PROKR1: variants seen among roughly 807,000 people sequenced by gnomAD.
PROKR1 encodes the protein prokineticin receptor 1.
In PROKR1, 21 loss-of-function variants were observed where a neutral mutation model predicts 22.8. That is an observed-to-expected ratio of 0.92 (90% CI 0.65 to 1.32). PROKR1 has a LOEUF of 1.32. Ranked by LOEUF, PROKR1 falls within the 40% of genes most tolerant of loss-of-function variation. The probability of loss-of-function intolerance (pLI) is 0.00; values close to 1 mark genes in which losing one functional copy is unlikely to be tolerated. For missense variants in PROKR1, 548 were observed against 514.2 expected (o/e 1.07, Z -0.64); for synonymous variants, 193 against 207.5 (o/e 0.93, Z 0.60).
In PROKR1 at chr2:68,656,972, T is replaced by G. The variant is rs1673484513; in HGVS notation, c.*1396T>G. The G allele has an allele frequency of 6.6e-6, 1 of 152,210 alleles. No individual in the cohort carries two copies. The highest frequency in any genetic ancestry group is 2.4e-5 in the African/African-American group (1 of 41,446). The allele number at this position is 152,210 out of a possible 1,614,324, so 9.4% of individuals were successfully genotyped here. On this transcript the variant is annotated 3_prime_UTR_variant, in exon 3 of 3. Transcript: ENST00000303786. ...CAAACAATGAGCTTCAGTGACCCCA[T>G]AGGTTGTTGAAGACTCATCCCACTT...
intron 1 of PROKR1, among the ~76,000 whole-genome samples, chr2:68,645,044 T>G (rs1306379105): frequency 6.6e-6 from 1 of 152,186 alleles, no homozygotes; most frequent in Non-Finnish European, 1.5e-5. Context: ...TCTGAGTGTT[T>G]AAGCTATTTA....
chr2:68,651,670 C>T (rs746520588), intron 2 of PROKR1, among the ~76,000 whole-genome samples: 1 of 152,168 alleles, frequency 6.6e-6, no homozygotes, highest in Non-Finnish European at 1.5e-5. Flanking sequence ...TTATCTCTGC[C>T]CATCCCATGA....
intron 2 of PROKR1, among the ~76,000 whole-genome samples, chr2:68,653,217 T>G (rs1192524662): frequency 6.6e-6 from 1 of 152,170 alleles, no homozygotes; most frequent in African/African-American, 2.4e-5. Flanking sequence ...CATTTCCCTT[T>G]TTTCCCTCTG....
chr2:68,650,603 A>G (rs1459404787), intron 2 of PROKR1, among the ~76,000 whole-genome samples: 1 of 152,118 alleles, frequency 6.6e-6, no homozygotes, highest in Non-Finnish European at 1.5e-5. Context: ...AAATCCTGTT[A>G]GGTACTCAGA....
At chr2:68,647,078 A>T (rs7607914) in intron 2 of PROKR1, among the ~76,000 whole-genome samples, 14,006 of 151,514 alleles carry the variant, frequency 0.092, 1,899 homozygotes, top group African/African-American at 0.3. Context: ...AAAAATAAAA[A>T]GATTGAGGGA....
chr2:68,646,252 G>T lies in PROKR1; in HGVS notation c.431G>T (p.Arg144Leu), dbSNP rs144714441. 31 of 1,614,060 alleles carry T rather than the reference G, an allele frequency of 1.9e-5. No individual in the cohort carries two copies. Among genetic ancestry groups the T allele is most frequent in the Non-Finnish European group, 2.5e-5 (29 of 1,180,018 alleles). Residue 144 changes from arginine (R) to leucine (L), a missense_variant, in exon 2 of 3, where the codon CGC (arginine) becomes CTC (leucine). Coordinates refer to ENST00000303786, the MANE Select transcript of PROKR1 (RefSeq NM_138964.4). ...HVLCTSVNYLRTVSLYVSTNA... is the reference protein window; with the variant it reads ...HVLCTSVNYLLTVSLYVSTNA... ...CTGTGCACCTCTGTCAACTACCTGCGCACTGTCTCTCTCTATGTCTCCACC... is the reference window on the plus strand; with the variant it reads ...CTGTGCACCTCTGTCAACTACCTGCTCACTGTCTCTCTCTATGTCTCCACC...
chr2:68,653,531 C>T (rs1397535667), intron 2 of PROKR1, among the ~76,000 whole-genome samples: 1 of 152,182 alleles, frequency 6.6e-6, no homozygotes, highest in African/African-American at 2.4e-5. Flanking sequence ...GGCTTTCCTT[C>T]AGGCCCCCTT....
At chr2:68,651,453 T>C (rs766688979) in intron 2 of PROKR1, among the ~76,000 whole-genome samples, 6 of 152,198 alleles carry the variant, frequency 3.9e-5, no homozygotes, top group Admixed American at 1.3e-4. Context: ...GTGGAGACAC[T>C]AAGATCCCAC....
chr2:68,654,726 A>G (rs1334436682), intron 2 of PROKR1, among the ~76,000 whole-genome samples, 154 bp from the exon 3 acceptor site: 1 of 150,172 alleles, frequency 6.7e-6, no homozygotes, highest in Non-Finnish European at 1.5e-5. Context: ...TGGGCCTAGG[A>G]GTTCGAGGCT....
rs756752495 is a variant in PROKR1 at position 68,645,916 on chromosome 2, C to T, written c.95C>T (p.Ser32Phe). The T allele has an allele frequency of 1.2e-6, 2 of 1,614,228 alleles. No homozygotes were observed. Among genetic ancestry groups the T allele is most frequent in the East Asian group, 4.5e-5 (2 of 44,884 alleles). Residue 32 changes from serine to phenylalanine, a missense_variant, in exon 2 of 3, where the codon TCC becomes TTC. Ser to Phe is a radical substitution (Grantham distance 155, BLOSUM62 -2). Coordinates refer to ENST00000303786, the MANE Select transcript of PROKR1 (RefSeq NM_138964.4). ...AACCCTCATGGAGCCCATGCCACTT[C>T]CTTCCCATTCAACTTCAGCTACAGC... ...VLNPHGAHAT[S>F]FPFNFSYSDY...
At position 68,657,799 on chromosome 2, in the gene PROKR1, A is replaced by G. The variant is rs1368340329; in HGVS notation, c.*2223A>G. ...GTTACTTTATTTCCCTGAAAGACAC[A>G]TTACAAAAACCTATTTATTTCTTCC... is the stretch of plus-strand genomic sequence containing the variant. On this transcript the variant is annotated 3_prime_UTR_variant, in exon 3 of 3. Transcript: ENST00000303786. 6.6e-6 allele frequency: 1 copy of G among 152,210 alleles called. No homozygotes were observed. The highest frequency in any genetic ancestry group is 1.5e-5 in the Non-Finnish European group (1 of 68,040). 9.4% of individuals were successfully genotyped at this position (152,210 alleles called of 1,614,324 possible).
chr2:68,653,515 C>T (rs1381315745), intron 2 of PROKR1, among the ~76,000 whole-genome samples: 2 of 152,142 alleles, frequency 1.3e-5, no homozygotes, highest in Admixed American at 1.3e-4. Flanking sequence ...AGGAAACAAC[C>T]GGTTTGGCTT....
In PROKR1 at chr2:68,646,091, C is replaced by A; in HGVS notation, c.270C>A (p.Tyr90Ter). Reference protein sequence around the residue: ...NFIFIAALVRYKKLRNLTNLL... With the variant: ...NFIFIAALVR ...TCTTTATCGCTGCCCTGGTCCGCTACAAGAAACTGCGCAACCTCACCAACC... is the reference window on the plus strand; with the variant it reads ...TCTTTATCGCTGCCCTGGTCCGCTAAAAGAAACTGCGCAACCTCACCAACC... The change falls in exon 2 of 3, where the codon TAC (tyrosine) becomes TAA (stop). Residue 90 changes from tyrosine to a stop codon, truncating the protein, a stop_gained. Transcript: ENST00000303786. LOFTEE classifies it high-confidence loss of function. The A allele has an allele frequency of 6.2e-7, 1 of 1,613,906 alleles. No individual in the cohort carries two copies. Among genetic ancestry groups the A allele is most frequent in the South Asian group, 1.1e-5 (1 of 91,062 alleles).
At position 68,655,563 on chromosome 2, in the gene PROKR1, T is replaced by C; in HGVS notation, c.1169T>C (p.Ile390Thr). 1 of 1,613,998 alleles carries C rather than the reference T, an allele frequency of 6.2e-7. No homozygotes were observed. The highest frequency in any genetic ancestry group is 8.5e-7 in the Non-Finnish European group (1 of 1,179,994). ...GMPATEEVDC[I>T]RLK is the part of the protein sequence containing the mutation. ...CCTGCCACCGAAGAGGTGGACTGCATCAGACTAAAATAACCCCCTGGACTT... is the reference window on the plus strand; with the variant it reads ...CCTGCCACCGAAGAGGTGGACTGCACCAGACTAAAATAACCCCCTGGACTT... The change falls in exon 3 of 3, where the codon ATC (isoleucine) becomes ACC (threonine). Residue 390 changes from isoleucine (I) to threonine (T), a missense_variant. Ile to Thr is a moderately conservative substitution (Grantham distance 89, BLOSUM62 -1). Coordinates refer to ENST00000303786, the MANE Select transcript of PROKR1 (RefSeq NM_138964.4).
rs1418200651 is a variant in PROKR1, at chr2:68,654,977, A to C, written c.583A>C (p.Ile195Leu). ...GTGGACGGTGTCCATCCTGATCGCC[A>C]TCCCTTCCGCCTACTTCACCACCGA... ...LVWTVSILIA[I>L]PSAYFTTETV... The change falls in exon 3 of 3, where the codon ATC becomes CTC. Residue 195 changes from isoleucine to leucine, a missense_variant. Physicochemically the swap from Ile to Leu is conservative, Grantham distance 5. Transcript: ENST00000303786. 5.0e-6 allele frequency: 8 copies of C among 1,606,762 alleles called. No individual in the cohort carries two copies. The highest frequency in any genetic ancestry group is 6.8e-6 in the Non-Finnish European group (8 of 1,177,228).
chr2:68,647,982 C>A (rs1289183224), intron 2 of PROKR1, among the ~76,000 whole-genome samples: 3 of 152,170 alleles, frequency 2.0e-5, no homozygotes, highest in African/African-American at 7.2e-5. Flanking sequence ...CAAGGAAGAG[C>A]TCCAGGGACT....
intron 2 of PROKR1, among the ~76,000 whole-genome samples, chr2:68,653,711 A>G (rs1037301487): frequency 6.6e-6 from 1 of 152,090 alleles, no homozygotes; most frequent in Non-Finnish European, 1.5e-5. Context: ...AGCTCTCTGC[A>G]TAAGCTGTGT....
At chr2:68,647,940 GTATC>G (rs1673226262) in intron 2 of PROKR1, among the ~76,000 whole-genome samples, 1 of 152,200 alleles carries the variant, frequency 6.6e-6, no homozygotes, top group African/African-American at 2.4e-5. Context: ...GTCAAGTAGA[GTATC>G]TACTTCGTAG....
At chr2:68,648,148 G>A (rs1366822702) in intron 2 of PROKR1, among the ~76,000 whole-genome samples, 1 of 152,134 alleles carries the variant, frequency 6.6e-6, no homozygotes, top group African/African-American at 2.4e-5. Context: ...CCTGTGGAGT[G>A]GGACCCTACT....
Sources: allele counts gnomAD v4.1 joint callset (sites outside exome capture counted in the v4.1 genomes callset), GRCh38; gene constraint gnomAD v4.1.1; transcripts MANE v1.5; gene names NCBI Gene and HGNC (gene_info 2026-07-23, HGNC 2026-07-21).